The following PIAS1 variants were observed in gnomAD, a reference collection of about 807,000 sequenced individuals.
PIAS1 encodes the protein protein inhibitor of activated STAT 1.
In PIAS1, 6 loss-of-function variants were observed where a neutral mutation model predicts 71.3. The observed-to-expected ratio is 0.08, with a 90% CI of 0.05 to 0.17. The LOEUF (loss-of-function observed/expected upper bound fraction) is 0.17. PIAS1 is among the 10% of genes least tolerant of loss of function. The pLI, the probability that PIAS1 is intolerant of heterozygous loss-of-function variation, is 1.00. For synonymous variants in PIAS1, 303 were observed against 292.9 expected, an observed-to-expected ratio of 1.03 and a Z score of -0.35; for missense variants, 555 against 793.6, an observed-to-expected ratio of 0.70 and a Z score of 3.61.
chr15:68,123,290 A>C (rs1453165870), intron 2 of PIAS1, among the ~76,000 whole-genome samples: 4 of 152,060 alleles, frequency 2.6e-5, no homozygotes, highest in Admixed American at 6.5e-5. Context: ...GGCGTCAAGC[A>C]GTCCTCCTGC....
At chr15:68,161,488 GT>G (rs1323143764) in intron 7 of PIAS1, among the ~76,000 whole-genome samples, 488 of 138,692 alleles carry the variant, frequency 3.5e-3, no homozygotes, top group Middle Eastern at 7.4e-3. Context: ...GAAGGCATAG[GT>G]TTTTTTTTTT....
chr15:68,094,022 CTG>C (rs1376265953), intron 2 of PIAS1, among the ~76,000 whole-genome samples: 4 of 151,988 alleles, frequency 2.6e-5, no homozygotes, highest in African/African-American at 4.8e-5. Context: ...ATTAAACAAA[CTG>C]TGTTTTATTT....
At chr15:68,072,757 TACA>T (rs1322094292) in intron 1 of PIAS1, among the ~76,000 whole-genome samples, 1 of 152,244 alleles carries the variant, frequency 6.6e-6, no homozygotes, top group Non-Finnish European at 1.5e-5. Context: ...TATCATATCT[TACA>T]TCCCTTTTCA....
chr15:68,145,807 A>G lies in PIAS1; in HGVS notation c.603-9A>G, dbSNP rs1250349080. 17 of 1,532,302 alleles carry G rather than the reference A, an allele frequency of 1.1e-5. No individual in the cohort carries two copies. The highest frequency in any genetic ancestry group is 1.5e-5 in the Non-Finnish European group (17 of 1,106,462). The allele number at this position is 1,532,302 out of a possible 1,614,324, so 94.9% of individuals were successfully genotyped here. A position where few individuals can be genotyped will look rare whatever the true frequency, so the allele number is the denominator to read the frequency against. ...ATAAAGGAAATTAAACTTGTCCTTT[A>G]TTGTTTAGGTTTTGTTTATCAGAAA... On this transcript the variant is annotated splice_polypyrimidine_tract_variant and intron_variant, in intron 4 of 13. Coordinates refer to ENST00000249636, the MANE Select transcript of PIAS1 (RefSeq NM_016166.3).
At chr15:68,068,927 G>A (rs1206189844) in intron 1 of PIAS1, among the ~76,000 whole-genome samples, 5 of 111,138 alleles carry the variant, frequency 4.5e-5, no homozygotes, top group Non-Finnish European at 8.7e-5. Context: ...GTGGAGTCTT[G>A]CTCTGTCACC....
intron 2 of PIAS1, among the ~76,000 whole-genome samples, chr15:68,087,284 A>G (rs8036154): frequency 0.018 from 2,697 of 152,250 alleles, 64 homozygotes; most frequent in East Asian, 0.11. Context: ...ACTCATGATT[A>G]CGGTTATATA....
intron 1 of PIAS1, among the ~76,000 whole-genome samples, chr15:68,069,818 A>C (rs985754055): frequency 5.9e-5 from 9 of 151,932 alleles, no homozygotes; most frequent in Non-Finnish European, 1.2e-4. Context: ...AAAAAAAAAA[A>C]AAAAGAAATT....
In PIAS1 at chr15:68,124,039, C is replaced by T. The variant is rs538537695; in HGVS notation, c.470-17907C>T. 1.1e-4 allele frequency among the ~76,000 whole-genome samples: 17 copies of T among 152,146 alleles called. 2 individuals are homozygous for T. In the South Asian group the frequency reaches 3.5e-3, roughly 32 times the overall value. On this transcript the variant is annotated intron_variant, in intron 2 of 13. Transcript: ENST00000249636. ...ACATACGTGTGTACATATGTATACA[C>T]ATGCACAAAAAGATCTGAGAAAGTA...
chr15:68,062,068 A>G (rs887484695), intron 1 of PIAS1, among the ~76,000 whole-genome samples: 4 of 152,186 alleles, frequency 2.6e-5, no homozygotes, highest in Admixed American at 6.5e-5. Flanking sequence ...CTATAAGACA[A>G]TCTAAATTGA....
At chr15:68,158,233 T>C (rs1297941050) in intron 7 of PIAS1, among the ~76,000 whole-genome samples, 3 of 152,234 alleles carry the variant, frequency 2.0e-5, no homozygotes, top group Non-Finnish European at 4.4e-5. Context: ...AAACTTTCCA[T>C]GACGTGGCAC....
At chr15:68,091,247 C>T (rs1224444914) in intron 2 of PIAS1, among the ~76,000 whole-genome samples, 1 of 151,920 alleles carries the variant, frequency 6.6e-6, no homozygotes, top group Non-Finnish European at 1.5e-5. Context: ...TTTGATATTT[C>T]CTCTCAATCC....
intron 11 of PIAS1, among the ~76,000 whole-genome samples, chr15:68,176,904 C>A: frequency 6.6e-6 from 1 of 152,094 alleles, no homozygotes. Flanking sequence ...CTGTGGTGTA[C>A]GTACATCAGA....
chr15:68,138,193 C>T lies in PIAS1; in HGVS notation c.470-3753C>T, dbSNP rs553786964. On this transcript the variant is annotated intron_variant, in intron 2 of 13. Coordinates refer to ENST00000249636, the MANE Select transcript of PIAS1 (RefSeq NM_016166.3). ...AACCAAAGAAATAAAGCTTCTTTCC[C>T]ACTTATGTTATTTAACTAGCTGTAG... Among the ~76,000 whole-genome samples, 3 of 152,136 alleles carry T rather than the reference C, an allele frequency of 2.0e-5. No individual in the cohort carries two copies. The East Asian group carries it at 5.8e-4, about 29-fold the overall frequency.
chr15:68,116,412 A>G (rs2092565262), intron 2 of PIAS1, among the ~76,000 whole-genome samples: 2 of 152,122 alleles, frequency 1.3e-5, no homozygotes, highest in African/African-American at 2.4e-5. Flanking sequence ...CTTCACATCC[A>G]TAGAATATGT....
At chr15:68,060,907 C>T (rs1188362705) in intron 1 of PIAS1, among the ~76,000 whole-genome samples, 2 of 152,220 alleles carry the variant, frequency 1.3e-5, no homozygotes. Flanking sequence ...TGGTCTCTAT[C>T]TCTTGACCTC....
At chr15:68,073,889 A>T (rs1409022683) in intron 1 of PIAS1, among the ~76,000 whole-genome samples, 1 of 152,188 alleles carries the variant, frequency 6.6e-6, no homozygotes, top group East Asian at 1.9e-4. Flanking sequence ...AAAAGTTAAG[A>T]GTCTCTTGCA....
chr15:68,095,172 G>A (rs2092363191), intron 2 of PIAS1, among the ~76,000 whole-genome samples: 2 of 152,120 alleles, frequency 1.3e-5, no homozygotes, highest in African/African-American at 2.4e-5. Flanking sequence ...TCAGAAGTAA[G>A]TACAGTTTAT....
In PIAS1 at chr15:68,086,398, A is replaced by G. The variant is rs1361771903; in HGVS notation, c.117A>G (p.Thr39=). 3.1e-6 allele frequency: 5 copies of G among 1,613,752 alleles called. No individual in the cohort carries two copies. In the East Asian group the frequency reaches 8.9e-5, roughly 29 times the overall value. ...NKHGRKHELL[T]KALHLLKAGC... ...ACGGACGCAAACACGAACTTCTCAC[A>G]AAAGCCCTGCATTTGCTAAAGGCTG... Residue 39 remains threonine, a synonymous_variant, in exon 2 of 14, where the codon ACA becomes ACG. Transcript: ENST00000249636. This position sits in a 1 kb window ranked among gnomAD's most constrained non-coding sequence, Gnocchi z 7.2.
chr15:68,180,356 C>G (rs1309177710), intron 11 of PIAS1, among the ~76,000 whole-genome samples: 1 of 152,052 alleles, frequency 6.6e-6, no homozygotes, highest in Non-Finnish European at 1.5e-5. Context: ...CTCAGCCTCC[C>G]GAAGTATGGG....
Sources: allele counts gnomAD v4.1 joint callset (sites outside exome capture counted in the v4.1 genomes callset), GRCh38; gene constraint gnomAD v4.1.1; non-coding constraint Gnocchi (gnomAD v3.1); transcripts MANE v1.5; gene names NCBI Gene and HGNC (gene_info 2026-07-23, HGNC 2026-07-21).